TGFBR1: variants seen among roughly 807,000 people sequenced by gnomAD.
The protein encoded by TGFBR1 is transforming growth factor beta receptor 1.
In TGFBR1, 20 loss-of-function variants were observed where a neutral mutation model predicts 55.1. That is an observed-to-expected ratio of 0.36 (90% CI 0.26 to 0.53). The LOEUF (loss-of-function observed/expected upper bound fraction) is 0.53. Among genes scored for constraint, TGFBR1 ranks in the 20% least tolerant of loss-of-function variants. The pLI is 0.91. For synonymous variants in TGFBR1, 220 were observed against 214.8 expected (o/e 1.02, Z -0.21); for missense variants, 385 against 617.6 (o/e 0.62, Z 3.99).
chr9:99,116,435 T>G (rs1298841389), intron 1 of TGFBR1, among the ~76,000 whole-genome samples: 1 of 152,220 alleles, frequency 6.6e-6, no homozygotes, highest in East Asian at 1.9e-4. Context: ...GGTGCTTCCA[T>G]CTGATTTAGC....
intron 1 of TGFBR1, among the ~76,000 whole-genome samples, chr9:99,126,288 C>G (rs1381313633): frequency 6.6e-6 from 1 of 152,156 alleles, no homozygotes; most frequent in African/African-American, 2.4e-5. Context: ...AGGTGTTTAG[C>G]CCTTATCTCA....
chr9:99,146,085 T>G, intron 6 of TGFBR1: 1 of 291,622 alleles, frequency 3.4e-6, no homozygotes, highest in Non-Finnish European at 6.6e-6. Flanking sequence ...TGGCATTCTT[T>G]TGTATCTATT....
chr9:99,119,482 T>C (rs1826840460), intron 1 of TGFBR1, among the ~76,000 whole-genome samples: 1 of 152,254 alleles, frequency 6.6e-6, no homozygotes, highest in African/African-American at 2.4e-5. Flanking sequence ...TGGAAATCAC[T>C]GTAGATTATC....
At position 99,142,722 on chromosome 9, in the gene TGFBR1, C is replaced by A. The variant is rs183796807; in HGVS notation, c.973+19C>A. On this transcript the variant is annotated intron_variant, in intron 5 of 8. Coordinates refer to ENST00000374994, the MANE Select transcript of TGFBR1 (RefSeq NM_004612.4). ...ACCCAAGGTAATTCTATAAGCAGTT[C>A]TATTATTTAAGCTTTAAATTTTCAT... The A allele has an allele frequency of 4.2e-5, 68 of 1,613,250 alleles. No homozygotes were observed. In the African/African-American group the frequency reaches 4.9e-4, roughly 12 times the overall value.
At chr9:99,110,990 CT>C (rs1275259369) in intron 1 of TGFBR1, among the ~76,000 whole-genome samples, 4 of 152,084 alleles carry the variant, frequency 2.6e-5, no homozygotes, top group African/African-American at 9.7e-5. Flanking sequence ...TTTCCTTTCC[CT>C]TTTTTGCAAA....
chr9:99,145,176 A>C (rs1030333488), intron 6 of TGFBR1, among the ~76,000 whole-genome samples: 1 of 152,218 alleles, frequency 6.6e-6, no homozygotes, highest in Admixed American at 6.5e-5. Flanking sequence ...CAATCGTCTA[A>C]TAGGTCTTTT....
At chr9:99,126,191 TTATAATGGTGA>T (rs1488528811) in intron 1 of TGFBR1, among the ~76,000 whole-genome samples, 14 of 152,144 alleles carry the variant, frequency 9.2e-5, no homozygotes, top group Non-Finnish European at 1.0e-4. Flanking sequence ...GACATTATTA[TTATAATGGTGA>T]GAGGTGTGTG....
chr9:99,111,251 C>A (rs1412964418), intron 1 of TGFBR1, among the ~76,000 whole-genome samples: 1 of 147,526 alleles, frequency 6.8e-6, no homozygotes, highest in Non-Finnish European at 1.5e-5. Flanking sequence ...AGGAAAAAAA[C>A]CATCACCAGC....
intron 3 of TGFBR1, among the ~76,000 whole-genome samples, chr9:99,137,641 C>G (rs1490546071): frequency 6.6e-6 from 1 of 152,200 alleles, no homozygotes; most frequent in Non-Finnish European, 1.5e-5. Flanking sequence ...CCTTGACCCT[C>G]TAGCAGGAGT....
chr9:99,126,280 G>A (rs1040302007), intron 1 of TGFBR1, among the ~76,000 whole-genome samples: 1 of 152,174 alleles, frequency 6.6e-6, no homozygotes, highest in Non-Finnish European at 1.5e-5. Flanking sequence ...GTTAGGCTAG[G>A]TGTTTAGCCC....
chr9:99,125,014 CA>C (rs1040905701), intron 1 of TGFBR1, among the ~76,000 whole-genome samples: 4 of 149,108 alleles, frequency 2.7e-5, no homozygotes, highest in East Asian at 3.9e-4. Context: ...AAGACAACTA[CA>C]AAAAAAAACA....
At chr9:99,134,083 G>A (rs1346051014) in intron 3 of TGFBR1, among the ~76,000 whole-genome samples, 1 of 151,642 alleles carries the variant, frequency 6.6e-6, no homozygotes, top group Non-Finnish European at 1.5e-5. Context: ...GACTGGGTAA[G>A]AATATAATTC....
intron 2 of TGFBR1, among the ~76,000 whole-genome samples, chr9:99,131,810 A>T (rs1053877464): frequency 1.3e-5 from 2 of 152,040 alleles, no homozygotes; most frequent in African/African-American, 2.4e-5. Flanking sequence ...CTCTATTAAG[A>T]TACAAAAATT....
chr9:99,110,662 T>TAAC (rs1826540794), intron 1 of TGFBR1, among the ~76,000 whole-genome samples: 1 of 152,254 alleles, frequency 6.6e-6, no homozygotes, highest in South Asian at 2.1e-4. Flanking sequence ...AGATGTAGAC[T>TAAC]AACAGTAGTT....
chr9:99,108,809 A>G (rs1184994154), intron 1 of TGFBR1, among the ~76,000 whole-genome samples: 1 of 152,244 alleles, frequency 6.6e-6, no homozygotes, highest in Non-Finnish European at 1.5e-5. Context: ...GCTATAGTAC[A>G]TAGCTGGAAA....
In TGFBR1 at chr9:99,105,250, C is replaced by T. The variant is rs1826371527; in HGVS notation, c.45C>T (p.Leu15=). The change falls in exon 1 of 9, where the codon CTC becomes CTT. Residue 15 remains leucine (L), a synonymous_variant. Transcript: ENST00000374994. ...CTCCGCGTCCCCGGCTGCTCCTCCT[C>T]GTGCTGGCGGCGGCGGCGGCGGCGG... is the stretch of plus-strand genomic sequence containing the variant. ...VAAPRPRLLL[L]VLAAAAAAAA... 1.9e-6 allele frequency: 2 copies of T among 1,057,536 alleles called. No homozygotes were observed. Among genetic ancestry groups the T allele is most frequent in the Non-Finnish European group, 1.1e-6 (1 of 881,296 alleles). 65.5% of individuals were successfully genotyped at this position (1,057,536 alleles called of 1,614,324 possible).
At chr9:99,118,376 C>T (rs1383472512) in intron 1 of TGFBR1, among the ~76,000 whole-genome samples, 1 of 152,140 alleles carries the variant, frequency 6.6e-6, no homozygotes, top group East Asian at 1.9e-4. Context: ...TGATGGATAT[C>T]TCTTTCTTAT....
Position 99,137,914 on chromosome 9 carries a change from C to T in TGFBR1, c.630C>T (p.Ser210=), listed in dbSNP as rs2118710827. The part of the protein sequence containing the change: ...TIARTIVLQE[S]IGKGRFGEVW... ...CGAGAACTATTGTGTTACAAGAAAG[C>T]ATTGGCAAAGGTCGATTTGGAGAAG... Residue 210 remains serine (S), a synonymous_variant, in exon 4 of 9, where the codon AGC becomes AGT. Coordinates refer to ENST00000374994, the MANE Select transcript of TGFBR1 (RefSeq NM_004612.4). The T allele has an allele frequency of 6.2e-7, 1 of 1,613,996 alleles. No individual in the cohort carries two copies. Among genetic ancestry groups the T allele is most frequent in the Non-Finnish European group, 8.5e-7 (1 of 1,179,956 alleles).
rs781694911 is a variant in TGFBR1 at position 99,146,625 on chromosome 9, C to G, written c.1255+16C>G. Reference sequence around the variant, plus strand: ...TCCATTGGTGGTAAATTGCTCTCCTCTCCCCCAGTAGTTTGTCATGAGCAG... The same window carrying G: ...TCCATTGGTGGTAAATTGCTCTCCTGTCCCCCAGTAGTTTGTCATGAGCAG... On this transcript the variant is annotated intron_variant, in intron 7 of 8. Transcript: ENST00000374994. 1 of 1,613,860 alleles carries G rather than the reference C, an allele frequency of 6.2e-7. No individual in the cohort carries two copies. The highest frequency in any genetic ancestry group is 8.5e-7 in the Non-Finnish European group (1 of 1,179,800).
Sources: allele counts gnomAD v4.1 joint callset (sites outside exome capture counted in the v4.1 genomes callset), GRCh38; gene constraint gnomAD v4.1.1; transcripts MANE v1.5; gene names NCBI Gene and HGNC (gene_info 2026-07-23, HGNC 2026-07-21).